Variants in MMS22L observed in about 807,000 individuals in gnomAD.
MMS22L encodes the protein MMS22 like, DNA repair protein.
A neutral mutation model predicts 159.1 loss-of-function variants in MMS22L; 74 were observed. The observed-to-expected ratio is 0.47, with a 90% CI of 0.39 to 0.56. The LOEUF (loss-of-function observed/expected upper bound fraction) is 0.56. Among genes scored for constraint, MMS22L ranks in the 20% least tolerant of loss-of-function variants. MMS22L has a pLI of 0.00. For synonymous variants in MMS22L, 517 were observed against 506.9 expected (o/e 1.02, Z -0.27); for missense variants, 1,351 against 1,422.1 (o/e 0.95, Z 0.80).
chr6:97,191,715 C>A (rs1164146628), intron 14 of MMS22L, among the ~76,000 whole-genome samples: 1 of 152,174 alleles, frequency 6.6e-6, no homozygotes. Context: ...CACTCTATAA[C>A]CATTTTTAGC....
At chr6:97,263,489 G>T in intron 8 of MMS22L, 41 bp from the exon 9 acceptor site, 1 of 1,070,354 alleles carries the variant, frequency 9.3e-7, no homozygotes, top group Non-Finnish European at 1.3e-6. Flanking sequence ...TAAGACAGCA[G>T]CAGAATTTTA....
intron 14 of MMS22L, among the ~76,000 whole-genome samples, chr6:97,195,315 G>C (rs1806373549): frequency 6.6e-6 from 1 of 152,176 alleles, no homozygotes; most frequent in East Asian, 1.9e-4. Context: ...ATGAACTGGA[G>C]AGGTGGCAGG....
At chr6:97,205,689 AAC>A (rs1335211449) in intron 14 of MMS22L, among the ~76,000 whole-genome samples, 4 of 152,168 alleles carry the variant, frequency 2.6e-5, no homozygotes, top group African/African-American at 4.8e-5. Context: ...AAAAGCACAA[AAC>A]AGTTTTAAGA....
intron 11 of MMS22L, among the ~76,000 whole-genome samples, chr6:97,240,069 G>C (rs528460569): frequency 6.6e-6 from 1 of 152,260 alleles, no homozygotes; most frequent in East Asian, 1.9e-4. Flanking sequence ...CATGACCATG[G>C]TCAGATTTCA....
At chr6:97,213,998 T>C (rs113235249) in intron 14 of MMS22L, among the ~76,000 whole-genome samples, 2 of 152,192 alleles carry the variant, frequency 1.3e-5, no homozygotes, top group Non-Finnish European at 2.9e-5. Flanking sequence ...AGTTAAAAAT[T>C]TGCATCTGTT....
Position 97,151,782 on chromosome 6 carries a change from A to C in MMS22L, c.3471T>G (p.Thr1157=). ...TATTTTCCAGTTACCTAAACACAGA[A>C]GTCAGCTGGGAGGAAGGTTCTTCTT... The part of the protein sequence containing the change: ...GSEEEPSSQL[T]SVFRQFIQDY... Residue 1157 remains threonine, a synonymous_variant, in exon 23 of 25, where the codon ACT becomes ACG. Coordinates refer to ENST00000683635, the MANE Select transcript of MMS22L (RefSeq NM_001350599.2). 6.2e-7 allele frequency: 1 copy of C among 1,613,532 alleles called. No homozygotes were observed. Among genetic ancestry groups the C allele is most frequent in the Admixed American group, 1.7e-5 (1 of 60,006 alleles).
At chr6:97,175,904 T>A (rs1804065049) in intron 18 of MMS22L, among the ~76,000 whole-genome samples, 1 of 152,188 alleles carries the variant, frequency 6.6e-6, no homozygotes, top group Non-Finnish European at 1.5e-5. Context: ...AACCATACTT[T>A]GTCAGTTGTT....
At chr6:97,226,780 T>C (rs761868500) in intron 14 of MMS22L, among the ~76,000 whole-genome samples, 16 of 152,282 alleles carry the variant, frequency 1.1e-4, no homozygotes, top group Non-Finnish European at 2.1e-4. Flanking sequence ...GGATTAGAAC[T>C]AGAGCAATGT....
At chr6:97,168,363 A>G in intron 19 of MMS22L, 123 bp from the exon 20 acceptor site, 1 of 750,338 alleles carries the variant, frequency 1.3e-6, no homozygotes, top group East Asian at 2.7e-5. Context: ...ATAGGAAGAG[A>G]CATATAGTAG....
At chr6:97,174,190 T>C (rs1273498629) in intron 18 of MMS22L, among the ~76,000 whole-genome samples, 1 of 150,472 alleles carries the variant, frequency 6.6e-6, no homozygotes, top group African/African-American at 2.4e-5. Flanking sequence ...GAGGTGGAGG[T>C]TGCAGTGAGC....
chr6:97,269,845 A>G, intron 7 of MMS22L, 57 bp downstream of exon 7: 1 of 1,267,202 alleles, frequency 7.9e-7, no homozygotes, highest in South Asian at 1.5e-5. Flanking sequence ...ATGTAATTTT[A>G]AAAAGCAATA....
intron 9 of MMS22L, among the ~76,000 whole-genome samples, chr6:97,257,898 A>T (rs1052115657): frequency 2.0e-5 from 3 of 152,222 alleles, no homozygotes; most frequent in African/African-American, 7.2e-5. Context: ...TTAACAAACT[A>T]TGTAAATGTG....
At chr6:97,243,192 T>C (rs1484274198) in intron 11 of MMS22L, among the ~76,000 whole-genome samples, 2 of 152,202 alleles carry the variant, frequency 1.3e-5, no homozygotes, top group East Asian at 3.8e-4. Context: ...AGATTTCTCT[T>C]CTTCTTCAGG....
At chr6:97,273,213 C>T in intron 4 of MMS22L, 151 bp from the exon 5 acceptor site, 2 of 644,398 alleles carry the variant, frequency 3.1e-6, no homozygotes, top group Non-Finnish European at 5.2e-6. Flanking sequence ...CGCTACTCCT[C>T]AAAAAATGCT....
chr6:97,272,819 G>A lies in MMS22L; in HGVS notation c.491C>T (p.Ala164Val). The A allele has an allele frequency of 6.2e-7, 1 of 1,613,980 alleles. No homozygotes were observed. Among genetic ancestry groups the A allele is most frequent in the Non-Finnish European group, 8.5e-7 (1 of 1,179,942 alleles). Reference protein sequence around the residue: ...VPVHPYEALEAQLPSVLIDEL... With the variant: ...VPVHPYEALEVQLPSVLIDEL... ...ATCAATCAACACTGAGGGAAGCTGA[G>A]CCTCCAAAGCCTCATAAGGATGGAC... Residue 164 changes from alanine to valine, a missense_variant, in exon 6 of 25, where the codon GCT becomes GTT. Ala to Val is a moderately conservative substitution (Grantham distance 64). Transcript: ENST00000683635.
chr6:97,209,046 T>C (rs552913255), intron 14 of MMS22L, among the ~76,000 whole-genome samples: 3 of 152,100 alleles, frequency 2.0e-5, no homozygotes, highest in Non-Finnish European at 4.4e-5. Flanking sequence ...TCCTTCCTTA[T>C]CACAGGTATA....
chr6:97,215,116 T>TATA (rs1410024960), intron 14 of MMS22L, among the ~76,000 whole-genome samples: 1,325 of 131,922 alleles, frequency 0.01, 17 homozygotes, highest in African/African-American at 0.035. Flanking sequence ...ATATATATAT[T>TATA]TTTTTTTTGC....
At chr6:97,234,063 C>A in intron 11 of MMS22L, 83 bp from the exon 12 acceptor site, 1 of 1,424,824 alleles carries the variant, frequency 7.0e-7, no homozygotes, top group Non-Finnish European at 9.4e-7. Flanking sequence ...CTGTATATAA[C>A]CTGCAGCTAA....
chr6:97,182,123 G>T, intron 15 of MMS22L, 69 bp from the exon 16 acceptor site: 1 of 1,278,790 alleles, frequency 7.8e-7, no homozygotes, highest in Non-Finnish European at 1.1e-6. Flanking sequence ...ACACACCCCT[G>T]GCCAATTATA....
Sources: gnomAD v4.1 joint callset for allele counts (sites outside exome capture counted in the v4.1 genomes callset) on GRCh38, gnomAD v4.1.1 for gene constraint, MANE v1.5 for transcripts, NCBI Gene and HGNC (gene_info 2026-07-23, HGNC 2026-07-21) for gene names.